The following CNBD1 variants were observed in gnomAD, a reference collection of about 807,000 sequenced individuals.
CNBD1 encodes cyclic nucleotide-binding domain-containing protein 1.
A neutral mutation model predicts 54.4 loss-of-function variants in CNBD1; 71 were observed. The observed-to-expected ratio is 1.30, with a 90% confidence interval of 1.08 to 1.59. The LOEUF is 1.59. Among genes scored for constraint, CNBD1 ranks in the 40% most tolerant of loss-of-function variants. The pLI is 0.00. For synonymous variants in CNBD1, 182 were observed against 170.7 expected, an observed-to-expected ratio of 1.07 and a Z score of -0.51; for missense variants, 659 against 518.0, an observed-to-expected ratio of 1.27 and a Z score of -2.64.
chr8:87,046,972 G>A (rs1810207273), intron 4 of CNBD1, among the ~76,000 whole-genome samples: 1 of 152,212 alleles, frequency 6.6e-6, no homozygotes. Context: ...ATACTGGTAA[G>A]AGGAGTTACG....
intron 1 of CNBD1, among the ~76,000 whole-genome samples, chr8:86,877,554 T>C (rs1247813160): frequency 2.0e-5 from 3 of 152,184 alleles, no homozygotes; most frequent in Non-Finnish European, 4.4e-5. Context: ...TTTTCACACT[T>C]GGAGAAGGCT....
intron 2 of CNBD1, among the ~76,000 whole-genome samples, chr8:87,404,088 C>T (rs186365157): frequency 1.3e-5 from 2 of 152,022 alleles, no homozygotes; most frequent in African/African-American, 4.8e-5. Context: ...GATGAAAGGC[C>T]ATATTCAGGG....
At chr8:86,885,976 T>G (rs997058056) in intron 1 of CNBD1, among the ~76,000 whole-genome samples, 1 of 152,220 alleles carries the variant, frequency 6.6e-6, no homozygotes, top group Non-Finnish European at 1.5e-5. Context: ...CTCTGTTCTA[T>G]AAGTCTTATT....
rs369730816 is a variant in CNBD1 at position 87,330,755 on chromosome 8, G to A, written c.1043-20930G>A. Among the ~76,000 whole-genome samples the A allele has an allele frequency of 1.4e-4, 22 of 152,248 alleles. No homozygotes were observed. The South Asian group carries it at 4.1e-3, about 29-fold the overall frequency. ...ATGTTCAGATAAGAATATGTATGCT[G>A]CTGTTAATGGATTAAGTAGATTATA... On this transcript the variant is annotated intron_variant, in intron 8 of 10. Transcript: ENST00000518476.
chr8:87,163,892 T>C lies in CNBD1; in HGVS notation c.432-42101T>C, dbSNP rs77965413. Among the ~76,000 whole-genome samples the C allele has an allele frequency of 4.8e-3, 725 of 152,070 alleles. 8 individuals are homozygous for C. The highest frequency in any genetic ancestry group is 0.017 in the African/African-American group (690 of 41,548). Reference sequence around the variant, plus strand: ...TGTTTTTGATCTTAGAGAAAAAGTTTTCCACATTTTACTGCTGAGTCTAAA... The same window carrying C: ...TGTTTTTGATCTTAGAGAAAAAGTTCTCCACATTTTACTGCTGAGTCTAAA... On this transcript the variant is annotated intron_variant, in intron 4 of 10. Coordinates refer to ENST00000518476, the MANE Select transcript of CNBD1 (RefSeq NM_173538.3). This position sits in a 1 kb window ranked among gnomAD's most constrained non-coding sequence, Gnocchi z 4.5.
At chr8:86,995,779 C>T (rs1031930536) in intron 4 of CNBD1, among the ~76,000 whole-genome samples, 2 of 151,740 alleles carry the variant, frequency 1.3e-5, no homozygotes, top group Admixed American at 6.6e-5. Context: ...GTCAGGCTGG[C>T]GTTCTGAAAA....
chr8:86,959,137 G>A (rs1586162924), intron 4 of CNBD1, among the ~76,000 whole-genome samples: 1 of 152,258 alleles, frequency 6.6e-6, no homozygotes, highest in Admixed American at 6.5e-5. Context: ...TGAAATTCTG[G>A]GTTGAAAATT....
At chr8:87,427,118 T>C (rs1398695586) in intron 2 of CNBD1, among the ~76,000 whole-genome samples, 2 of 151,984 alleles carry the variant, frequency 1.3e-5, no homozygotes, top group East Asian at 1.9e-4. Context: ...CAGTTCCCCC[T>C]GTAAAGAGCT....
intron 10 of CNBD1, among the ~76,000 whole-genome samples, chr8:87,372,536 G>C (rs1390253442): frequency 6.6e-6 from 1 of 151,834 alleles, no homozygotes; most frequent in East Asian, 1.9e-4. Context: ...CCATAAACGT[G>C]GTCTCCAAGA....
At chr8:87,427,139 A>G (rs1432066459) in intron 2 of CNBD1, among the ~76,000 whole-genome samples, 3 of 152,086 alleles carry the variant, frequency 2.0e-5, no homozygotes, top group Admixed American at 6.5e-5. Context: ...AGCATCCTTC[A>G]TTCCTGATAT....
intron 6 of CNBD1, among the ~76,000 whole-genome samples, chr8:87,273,013 A>G (rs1331039017): frequency 1.3e-5 from 2 of 151,884 alleles, no homozygotes; most frequent in African/African-American, 4.8e-5. Flanking sequence ...CTACCAAATG[A>G]TATGCTGAAA....
rs763154369 is a variant in CNBD1 at position 87,046,525 on chromosome 8, C to G, written c.431+106771C>G. 2.4e-4 allele frequency among the ~76,000 whole-genome samples: 37 copies of G among 152,086 alleles called. 1 individual carries two copies. The highest frequency in any genetic ancestry group is 9.8e-4 in the Admixed American group (15 of 15,274). ...TGCCACTATAGTGCATGTTCCCCTC[C>G]AATGCCTAGGGAGAATTAGGTGTAA... is the stretch of plus-strand genomic sequence containing the variant. On this transcript the variant is annotated intron_variant, in intron 4 of 10. Transcript: ENST00000518476.
chr8:86,889,760 T>C (rs905824433), intron 2 of CNBD1, among the ~76,000 whole-genome samples: 4 of 152,152 alleles, frequency 2.6e-5, no homozygotes, highest in African/African-American at 9.6e-5. Flanking sequence ...GCAGATTTAT[T>C]TTATTTATTT....
In CNBD1 at chr8:87,337,450, C is replaced by T. The variant is rs150737924; in HGVS notation, c.1043-14235C>T. ...CCTGCAGCCACAGTGTTGGCTGCCA[C>T]CCCTCCCCCAAGGAGCTCAGATGGC... On this transcript the variant is annotated intron_variant, in intron 8 of 10. Transcript: ENST00000518476. Among the ~76,000 whole-genome samples the T allele has an allele frequency of 9.7e-3, 1,474 of 152,290 alleles. 21 individuals are homozygous for T. Among genetic ancestry groups the T allele is most frequent in the African/African-American group, 0.033 (1,352 of 41,562 alleles).
chr8:87,053,973 G>A (rs1214150398), intron 4 of CNBD1, among the ~76,000 whole-genome samples: 4 of 152,238 alleles, frequency 2.6e-5, no homozygotes, highest in Admixed American at 2.0e-4. Context: ...TGTAGGAATT[G>A]AATGGCTGTC....
chr8:87,203,573 C>T (rs1042732420), intron 4 of CNBD1, among the ~76,000 whole-genome samples: 1 of 152,116 alleles, frequency 6.6e-6, no homozygotes, highest in Non-Finnish European at 1.5e-5. Context: ...GAACAGTTAG[C>T]ATCTCTTCTG....
At chr8:87,328,865 T>G (rs1279195234) in intron 8 of CNBD1, among the ~76,000 whole-genome samples, 1 of 152,108 alleles carries the variant, frequency 6.6e-6, no homozygotes, top group Non-Finnish European at 1.5e-5. Flanking sequence ...TTGATGCTAC[T>G]GTAAATTAGA....
At chr8:86,972,034 C>A (rs568341285) in intron 4 of CNBD1, among the ~76,000 whole-genome samples, 4 of 151,902 alleles carry the variant, frequency 2.6e-5, no homozygotes, top group Non-Finnish European at 5.9e-5. Flanking sequence ...CTCACTGCAA[C>A]CTCTGCCTCC....
chr8:86,904,571 T>C (rs895170112), intron 2 of CNBD1, among the ~76,000 whole-genome samples: 1 of 152,154 alleles, frequency 6.6e-6, no homozygotes, highest in East Asian at 1.9e-4. Flanking sequence ...GGATCAGAAA[T>C]TTTTACTTAC....
Sources: allele counts gnomAD v4.1 joint callset (sites outside exome capture counted in the v4.1 genomes callset), GRCh38; gene constraint gnomAD v4.1.1; non-coding constraint Gnocchi (gnomAD v3.1); transcripts MANE v1.5; gene names NCBI Gene and HGNC (gene_info 2026-07-23, HGNC 2026-07-21).